SLC5A1: variants seen among roughly 807,000 people sequenced by gnomAD.
SLC5A1 encodes the protein solute carrier family 5 member 1.
Under a neutral mutation model 73.5 loss-of-function variants are expected in SLC5A1, and 42 were observed. That is an observed-to-expected ratio of 0.57 (90% CI 0.45 to 0.74). The LOEUF (loss-of-function observed/expected upper bound fraction) is 0.74. Among genes scored for constraint, SLC5A1 ranks in the 30% least tolerant of loss-of-function variants. The pLI, the probability that SLC5A1 is intolerant of heterozygous loss-of-function variation, is 0.00. For synonymous variants in SLC5A1, 300 were observed against 317.4 expected (o/e 0.95, Z 0.58); for missense variants, 634 against 855.4 (o/e 0.74, Z 3.23).
In SLC5A1 at chr22:32,104,821, A is replaced by G. The variant is rs781719737; in HGVS notation, c.1701A>G (p.Lys567=). Residue 567 remains lysine (K), a synonymous_variant, in exon 14 of 15, where the codon AAA becomes AAG. Coordinates refer to ENST00000266088, the MANE Select transcript of SLC5A1 (RefSeq NM_000343.4). Reference sequence around the variant, plus strand: ...TGTGTTGGAGCCTGCGCAACAGCAAAGAGGAGCGTATTGACCTGGATGCGG... The same window carrying G: ...TGTGTTGGAGCCTGCGCAACAGCAAGGAGGAGCGTATTGACCTGGATGCGG... ...YRLCWSLRNS[K]EERIDLDAEE... is the part of the protein sequence containing the mutation. The G allele has an allele frequency of 6.2e-7, 1 of 1,614,144 alleles. No homozygotes were observed. The highest frequency in any genetic ancestry group is 1.1e-5 in the South Asian group (1 of 91,084).
At chr22:32,071,123 T>A (rs1342872452) in intron 5 of SLC5A1, among the ~76,000 whole-genome samples, 1 of 152,128 alleles carries the variant, frequency 6.6e-6, no homozygotes, top group East Asian at 1.9e-4. Context: ...AGTGAATTTA[T>A]CTGAAAACAC....
chr22:32,088,536 A>ACCACATTGG (rs1226762499), intron 10 of SLC5A1, among the ~76,000 whole-genome samples: 1 of 151,816 alleles, frequency 6.6e-6, no homozygotes, highest in Non-Finnish European at 1.5e-5. Context: ...ACGGGGTTTC[A>ACCACATTGG]CCACATTGGC....
At chr22:32,052,579 A>C (rs1280048982) in intron 2 of SLC5A1, among the ~76,000 whole-genome samples, 1 of 152,190 alleles carries the variant, frequency 6.6e-6, no homozygotes, top group African/African-American at 2.4e-5. Context: ...TTGACTCTTC[A>C]TAAGCCTGGG....
At chr22:32,064,643 C>A (rs1480219472) in intron 2 of SLC5A1, among the ~76,000 whole-genome samples, 1 of 152,172 alleles carries the variant, frequency 6.6e-6, no homozygotes, top group Non-Finnish European at 1.5e-5. Context: ...CTAGGAGTTA[C>A]CTTTGATTAT....
At position 32,112,599 on chromosome 22, in the gene SLC5A1, C is replaced by A. The variant is rs1329254086; in HGVS notation, c.*2386C>A. 6.6e-6 allele frequency: 1 copy of A among 152,144 alleles called. No individual in the cohort carries two copies. The highest frequency in any genetic ancestry group is 6.5e-5 in the Admixed American group (1 of 15,272). The allele number at this position is 152,144 out of a possible 1,614,324, so 9.4% of individuals were successfully genotyped here. On this transcript the variant is annotated 3_prime_UTR_variant, in exon 15 of 15. Transcript: ENST00000266088. ...TATAAACTATTTAATGAGTACCAAACACAAAAGTCAAGCTTGTAAAATATC... is the reference window on the plus strand; with the variant it reads ...TATAAACTATTTAATGAGTACCAAAAACAAAAGTCAAGCTTGTAAAATATC...
At chr22:32,104,921 C>T (rs200725596) in intron 14 of SLC5A1, 30 bp downstream of exon 14, 10 of 1,475,494 alleles carry the variant, frequency 6.8e-6, no homozygotes, top group African/African-American at 1.4e-5. Flanking sequence ...AGATCCTAAA[C>T]CATAAAAGTT....
chr22:32,051,595 A>G (rs78818509), intron 2 of SLC5A1, among the ~76,000 whole-genome samples: 6,816 of 152,196 alleles, frequency 0.045, 206 homozygotes, highest in Non-Finnish European at 0.07. Flanking sequence ...GGTGAAGGCT[A>G]CAGTGAGCCA....
chr22:32,065,211 T>G (rs1265082659), intron 2 of SLC5A1, among the ~76,000 whole-genome samples: 1 of 152,138 alleles, frequency 6.6e-6, no homozygotes, highest in Non-Finnish European at 1.5e-5. Flanking sequence ...CCTCCTAAAG[T>G]ACTGGGATTA....
rs78217367 is a variant in SLC5A1 at position 32,051,250 on chromosome 22, T to C, written c.207+1236T>C. 7.9e-3 allele frequency among the ~76,000 whole-genome samples: 1,197 copies of C among 152,328 alleles called. 22 individuals are homozygous for C. Among genetic ancestry groups the C allele is most frequent in the African/African-American group, 0.027 (1,135 of 41,574 alleles). On this transcript the variant is annotated intron_variant, in intron 2 of 14. Transcript: ENST00000266088. ...GCACAAGGAGCCACAGGATTTGGCT[T>C]GTTCCAGCTTTGTGACATTGGGCAA...
intron 2 of SLC5A1, among the ~76,000 whole-genome samples, chr22:32,058,358 C>T (rs1334853578): frequency 6.6e-6 from 1 of 152,172 alleles, no homozygotes; most frequent in East Asian, 1.9e-4. Flanking sequence ...CCCATCTCTA[C>T]AAAAATTTTT....
chr22:32,061,963 C>T (rs1373470280), intron 2 of SLC5A1, among the ~76,000 whole-genome samples: 1 of 152,266 alleles, frequency 6.6e-6, no homozygotes, highest in Non-Finnish European at 1.5e-5. Context: ...GAGGAACAGA[C>T]ACATGAGAAG....
chr22:32,063,841 G>A (rs1308115380), intron 2 of SLC5A1, among the ~76,000 whole-genome samples: 2 of 152,276 alleles, frequency 1.3e-5, no homozygotes, highest in African/African-American at 2.4e-5. Context: ...TGTAGGTCAT[G>A]GGGTAAAGAG....
In SLC5A1 at chr22:32,110,514, A is replaced by T; in HGVS notation, c.*301A>T. The T allele has an allele frequency of 2.2e-6, 1 of 456,198 alleles. No homozygotes were observed. The highest frequency in any genetic ancestry group is 2.1e-5 in the South Asian group (1 of 48,136). 28.3% of individuals were successfully genotyped at this position (456,198 alleles called of 1,614,324 possible). ...AGCCATGTGATTGATGTCTGACGTG[A>T]GTCTGTCTCAGGTAGATTCCGGGTG... On this transcript the variant is annotated 3_prime_UTR_variant, in exon 15 of 15. Coordinates refer to ENST00000266088, the MANE Select transcript of SLC5A1 (RefSeq NM_000343.4).
At chr22:32,099,798 A>G (rs1177560671) in intron 12 of SLC5A1, among the ~76,000 whole-genome samples, 13 of 152,160 alleles carry the variant, frequency 8.5e-5, no homozygotes, top group African/African-American at 1.7e-4. Context: ...AGTGGGAGAA[A>G]GTCCTAGCAC....
rs1322650883 is a variant in SLC5A1, at chr22:32,094,540, G to GT, written c.1280+2779dup. Among the ~76,000 whole-genome samples the GT allele has an allele frequency of 6.1e-4, 93 of 152,200 alleles. 1 individual carries two copies. Among genetic ancestry groups the GT allele is most frequent in the Non-Finnish European group, 1.0e-4 (7 of 67,990 alleles). ...GCTGCTTGCTAATGGTCTGTTCAGG[G>GT]TATCTAATTCTTCCTGATTTAAGCT... On this transcript the variant is annotated intron_variant, in intron 11 of 14. Coordinates refer to ENST00000266088, the MANE Select transcript of SLC5A1 (RefSeq NM_000343.4).
chr22:32,057,606 G>A (rs1054310033), intron 2 of SLC5A1, among the ~76,000 whole-genome samples: 1 of 152,146 alleles, frequency 6.6e-6, no homozygotes, highest in Admixed American at 6.5e-5. Context: ...GATCCTGAGT[G>A]TGCACATGCT....
intron 10 of SLC5A1, among the ~76,000 whole-genome samples, chr22:32,088,731 C>T (rs2094012186): frequency 1.3e-5 from 2 of 152,194 alleles, no homozygotes; most frequent in Non-Finnish European, 2.9e-5. Flanking sequence ...TCAGCATTAT[C>T]GATCACTCAT....
chr22:32,109,565 T>G (rs2094052512), intron 14 of SLC5A1, among the ~76,000 whole-genome samples: 1 of 152,234 alleles, frequency 6.6e-6, no homozygotes, highest in African/African-American at 2.4e-5. Flanking sequence ...TCCTGAATCA[T>G]GCCAGCCAGA....
At chr22:32,108,153 T>C (rs148414700) in intron 14 of SLC5A1, among the ~76,000 whole-genome samples, 6,802 of 150,940 alleles carry the variant, frequency 0.045, 205 homozygotes, top group Non-Finnish European at 0.07. Context: ...GTCACCCAGG[T>C]TGGAGTGCAG....
Sources: gnomAD v4.1 joint callset for allele counts (sites outside exome capture counted in the v4.1 genomes callset) on GRCh38, gnomAD v4.1.1 for gene constraint, MANE v1.5 for transcripts, NCBI Gene and HGNC (gene_info 2026-07-23, HGNC 2026-07-21) for gene names.